RBFOX1: variants seen among roughly 807,000 people sequenced by gnomAD.
RBFOX1 encodes the protein RNA binding protein fox-1 homolog 1.
A neutral mutation model predicts 57.7 loss-of-function variants in RBFOX1; 8 were observed. The ratio of observed to expected loss-of-function variants is 0.14; its 90% CI spans 0.08 to 0.25. RBFOX1 has a LOEUF of 0.25. RBFOX1 is among the 10% of genes least tolerant of loss of function. RBFOX1 has a pLI of 1.00. For missense variants in RBFOX1, 611 were observed against 548.5 expected, an observed-to-expected ratio of 1.11 and a Z score of -1.14; for synonymous variants, 326 against 222.4, an observed-to-expected ratio of 1.47 and a Z score of -4.15.
intron 4 of RBFOX1, among the ~76,000 whole-genome samples, chr16:5,983,869 C>T: frequency 6.9e-6 from 1 of 144,078 alleles, no homozygotes; most frequent in Non-Finnish European, 1.5e-5. Flanking sequence ...CTTCTTTCCT[C>T]CTCCTCCTCC....
intron 4 of RBFOX1, among the ~76,000 whole-genome samples, chr16:7,400,845 T>G (rs1164463078): frequency 6.6e-6 from 1 of 152,182 alleles, no homozygotes; most frequent in African/African-American, 2.4e-5. Context: ...GCTTGCCCAT[T>G]AAGTGATATT....
chr16:6,132,993 G>A (rs2096640568), intron 1 of RBFOX1, among the ~76,000 whole-genome samples: 1 of 145,302 alleles, frequency 6.9e-6, no homozygotes. Flanking sequence ...AGAAAAAAAA[G>A]ACTATTGCTT....
intron 4 of RBFOX1, among the ~76,000 whole-genome samples, chr16:7,335,695 C>T (rs1364216192): frequency 6.6e-6 from 1 of 151,200 alleles, no homozygotes; most frequent in Non-Finnish European, 1.5e-5. Context: ...GAGGTATTTA[C>T]TGATAGCTTC....
intron 3 of RBFOX1, among the ~76,000 whole-genome samples, chr16:5,862,019 C>T (rs887431212): frequency 2.6e-5 from 4 of 152,136 alleles, no homozygotes; most frequent in East Asian, 1.9e-4. Flanking sequence ...CTGAGAGTGA[C>T]GGCCATTCTC....
chr16:6,722,038 C>T (rs1395701034), intron 3 of RBFOX1: 1 of 152,278 alleles, frequency 6.6e-6, no homozygotes, highest in African/African-American at 2.4e-5. Flanking sequence ...GGTATTTCCT[C>T]CTATGTATCT....
At chr16:6,941,319 C>T (rs934309441) in intron 3 of RBFOX1, among the ~76,000 whole-genome samples, 79 of 132,762 alleles carry the variant, frequency 6.0e-4, no homozygotes, top group African/African-American at 2.4e-3. Flanking sequence ...TCCTTCCTTC[C>T]TTCCTTCCTT....
intron 4 of RBFOX1, among the ~76,000 whole-genome samples, chr16:7,454,967 C>A (rs1398107200): frequency 6.6e-6 from 1 of 152,186 alleles, no homozygotes; most frequent in East Asian, 1.9e-4. Flanking sequence ...ATACCCTTTT[C>A]CAATAATAAA....
chr16:7,180,714 G>GA (rs71391606), intron 4 of RBFOX1, among the ~76,000 whole-genome samples: 32,195 of 145,920 alleles, frequency 0.22, 4,345 homozygotes, highest in East Asian at 0.5. Context: ...TTATTATGAT[G>GA]AAAAAAAAAA....
chr16:6,293,779 G>T (rs774569942), intron 1 of RBFOX1, among the ~76,000 whole-genome samples: 2 of 152,090 alleles, frequency 1.3e-5, no homozygotes, highest in African/African-American at 2.4e-5. Flanking sequence ...CTAACCAGAG[G>T]GTCCAGGAAT....
chr16:5,495,579 G>C (rs1192697354), intron 2 of RBFOX1, among the ~76,000 whole-genome samples: 1 of 152,210 alleles, frequency 6.6e-6, no homozygotes, highest in Non-Finnish European at 1.5e-5. Context: ...TAGCAGCTGA[G>C]AAGACCCTGA....
chr16:7,344,205 C>T (rs559202181), intron 4 of RBFOX1, among the ~76,000 whole-genome samples: 1 of 146,838 alleles, frequency 6.8e-6, no homozygotes. Flanking sequence ...TCAAGCTTCG[C>T]TGTACTCTTC....
At chr16:6,192,009 A>G (rs2097144861) in intron 1 of RBFOX1, among the ~76,000 whole-genome samples, 1 of 152,212 alleles carries the variant, frequency 6.6e-6, no homozygotes, top group Admixed American at 6.5e-5. Context: ...AGATTGAGGA[A>G]GAAGGTCATG....
intron 2 of RBFOX1, among the ~76,000 whole-genome samples, chr16:6,554,144 A>C (rs2097049594): frequency 6.6e-6 from 1 of 152,360 alleles, no homozygotes; most frequent in South Asian, 2.1e-4. Flanking sequence ...AATTGGCAAA[A>C]TGGGGCACAA....
intron 3 of RBFOX1, among the ~76,000 whole-genome samples, chr16:6,726,232 C>A (rs1260514555): frequency 2.0e-5 from 3 of 152,084 alleles, no homozygotes; most frequent in East Asian, 1.9e-4. Context: ...ATTCCTACCC[C>A]CTACCCCAGC....
intron 4 of RBFOX1, among the ~76,000 whole-genome samples, chr16:7,250,728 G>A (rs999201508): frequency 3.9e-5 from 6 of 152,142 alleles, no homozygotes; most frequent in African/African-American, 1.4e-4. Flanking sequence ...TTATGTGAAC[G>A]TATTTACCAG....
chr16:6,551,469 A>G (rs868257365), intron 2 of RBFOX1, among the ~76,000 whole-genome samples: 1 of 152,212 alleles, frequency 6.6e-6, no homozygotes, highest in Admixed American at 6.5e-5. Flanking sequence ...TGTCTAACAT[A>G]AGTAACCATT....
chr16:6,295,005 G>A (rs2152729734), intron 1 of RBFOX1, among the ~76,000 whole-genome samples: 1 of 151,182 alleles, frequency 6.6e-6, no homozygotes. Flanking sequence ...AATCAGCATT[G>A]TTTTCACCGT....
intron 2 of RBFOX1, among the ~76,000 whole-genome samples, chr16:5,505,475 C>A (rs934488980): frequency 9.9e-5 from 15 of 152,128 alleles, no homozygotes; most frequent in African/African-American, 3.6e-4. Flanking sequence ...CATTTGCAGC[C>A]TGAGATTCCA....
intron 4 of RBFOX1, among the ~76,000 whole-genome samples, chr16:7,364,439 A>T (rs985330686): frequency 6.6e-6 from 1 of 152,124 alleles, no homozygotes; most frequent in Non-Finnish European, 1.5e-5. Flanking sequence ...CGTGTTTAAC[A>T]TTTCATTTGA....
Sources: gnomAD v4.1 joint callset for allele counts (sites outside exome capture counted in the v4.1 genomes callset) on GRCh38, gnomAD v4.1.1 for gene constraint, MANE v1.5 for transcripts, NCBI Gene and HGNC (gene_info 2026-07-23, HGNC 2026-07-21) for gene names.